The following TUT7 variants were observed in gnomAD, a reference collection of about 807,000 sequenced individuals.
TUT7 encodes the protein terminal uridylyltransferase 7.
TUT7 carries 33 observed loss-of-function variants against 165.9 expected under a neutral mutation model. That is an observed-to-expected ratio of 0.20 (90% CI 0.15 to 0.27). TUT7 has a LOEUF of 0.27. Among genes scored for constraint, TUT7 ranks in the 10% least tolerant of loss-of-function variants. The pLI is 1.00. For missense variants in TUT7, 1,338 were observed against 1,762.3 expected (o/e 0.76, Z 4.31); for synonymous variants, 552 against 608.1 (o/e 0.91, Z 1.36).
chr9:86,303,623 T>C (rs537091684), intron 24 of TUT7, among the ~76,000 whole-genome samples: 1 of 152,182 alleles, frequency 6.6e-6, no homozygotes, highest in Non-Finnish European at 1.5e-5. Flanking sequence ...GAAAAAAAAC[T>C]ATGTGTTTCT....
At chr9:86,318,703 GT>G (rs1454914012) in intron 16 of TUT7, among the ~76,000 whole-genome samples, 1 of 152,192 alleles carries the variant, frequency 6.6e-6, no homozygotes, top group African/African-American at 2.4e-5. Flanking sequence ...GAAGAGGCTG[GT>G]TTGGCTATGT....
rs549245446 is a variant in TUT7, at chr9:86,311,109, G to T, written c.3275-300C>A. 6.6e-6 allele frequency among the ~76,000 whole-genome samples: 1 copy of T among 152,186 alleles called. No homozygotes were observed. Among genetic ancestry groups the T allele is most frequent in the African/African-American group, 2.4e-5 (1 of 41,440 alleles). On this transcript the variant is annotated intron_variant, in intron 17 of 26. Transcript: ENST00000375963. The surrounding 1 kb of genome is among the most constrained non-coding windows in gnomAD (Gnocchi z 4.4). ...ATGTGTGTATATGCATGTGTATGTC[G>T]TTGTCACTAAGACAAATACCAAACA...
rs1392544649 is a variant in TUT7, at chr9:86,311,108, C to T, written c.3275-299G>A. Among the ~76,000 whole-genome samples the T allele has an allele frequency of 6.6e-6, 1 of 152,204 alleles. No individual in the cohort carries two copies. On this transcript the variant is annotated intron_variant, in intron 17 of 26. Coordinates refer to ENST00000375963, the MANE Select transcript of TUT7 (RefSeq NM_024617.4). The surrounding 1 kb of genome is among the most constrained non-coding windows in gnomAD (Gnocchi z 4.4). ...CATGTGTGTATATGCATGTGTATGT[C>T]GTTGTCACTAAGACAAATACCAAAC...
At chr9:86,345,861 A>G (rs1831709703) in intron 3 of TUT7, 76 bp from the exon 4 acceptor site, 1 of 1,067,448 alleles carries the variant, frequency 9.4e-7, no homozygotes, top group Non-Finnish European at 1.4e-6. Context: ...TCAGCCAGGA[A>G]ATGATTTCCC....
intron 2 of TUT7, among the ~76,000 whole-genome samples, chr9:86,349,698 T>C (rs1479391217): frequency 1.3e-5 from 2 of 152,238 alleles, no homozygotes; most frequent in African/African-American, 4.8e-5. Context: ...TTTTAGTTTA[T>C]ACTTTCAGTT....
chr9:86,330,243 G>T (rs1830190565), intron 10 of TUT7, among the ~76,000 whole-genome samples: 1 of 151,888 alleles, frequency 6.6e-6, no homozygotes, highest in African/African-American at 2.4e-5. Context: ...TATTTTTTTA[G>T]TAGAGATGGA....
At chr9:86,301,705 C>G in intron 25 of TUT7, 104 bp from the exon 26 acceptor site, 1 of 1,507,828 alleles carries the variant, frequency 6.6e-7, no homozygotes, top group South Asian at 1.4e-5. Context: ...AAGAGATGAC[C>G]AGGAATAGAA....
At chr9:86,349,913 CAACTTCTTTAGTTGCTTTTAT>C (rs1832121549) in intron 2 of TUT7, among the ~76,000 whole-genome samples, 1 of 152,132 alleles carries the variant, frequency 6.6e-6, no homozygotes, top group Non-Finnish European at 1.5e-5. Context: ...CACTTAAAAG[CAACTTCTTTAGTTGCTTTTAT>C]AAGAATACAC....
intron 3 of TUT7, among the ~76,000 whole-genome samples, 180 bp downstream of exon 3, chr9:86,346,119 T>C (rs1831736485): frequency 1.3e-5 from 2 of 152,194 alleles, no homozygotes; most frequent in Admixed American, 1.3e-4. Context: ...ATTTTAAGTA[T>C]AATAGCAATG....
intron 2 of TUT7, among the ~76,000 whole-genome samples, chr9:86,348,713 T>A (rs1429814115): frequency 6.6e-6 from 1 of 151,920 alleles, no homozygotes; most frequent in Admixed American, 6.6e-5. Flanking sequence ...GATTGCGCCA[T>A]TGCACTCCAG....
At chr9:86,346,972 C>A (rs1240715827) in intron 2 of TUT7, among the ~76,000 whole-genome samples, 1 of 152,062 alleles carries the variant, frequency 6.6e-6, no homozygotes, top group East Asian at 1.9e-4. Flanking sequence ...GCAAAATGTA[C>A]CCCTGGACAA....
intron 18 of TUT7, among the ~76,000 whole-genome samples, chr9:86,310,481 C>T (rs1297463889): frequency 6.6e-6 from 1 of 152,086 alleles, no homozygotes. Flanking sequence ...TCTGCACAAA[C>T]ACCCCTAAAG....
chr9:86,349,226 C>T (rs774714456), intron 2 of TUT7, among the ~76,000 whole-genome samples: 15 of 151,544 alleles, frequency 9.9e-5, no homozygotes, highest in Non-Finnish European at 2.1e-4. Context: ...TTGCAGTGAA[C>T]CGAGATCATG....
intron 26 of TUT7, among the ~76,000 whole-genome samples, chr9:86,296,787 A>C (rs1484897456): frequency 6.6e-6 from 1 of 152,228 alleles, no homozygotes; most frequent in Non-Finnish European, 1.5e-5. Flanking sequence ...CATACTTAAT[A>C]CTATGGAAAG....
At chr9:86,322,840 C>A (rs1829441305) in intron 13 of TUT7, 33 bp downstream of exon 13, 2 of 1,536,430 alleles carry the variant, frequency 1.3e-6, no homozygotes, top group Admixed American at 4.4e-5. Context: ...CTTAAAGTCT[C>A]CTAGTTCTAT....
chr9:86,322,170 C>G (rs1041598820), intron 14 of TUT7, among the ~76,000 whole-genome samples, 155 bp downstream of exon 14: 6 of 152,062 alleles, frequency 3.9e-5, no homozygotes, highest in Non-Finnish European at 7.4e-5. Context: ...CCAAACAGAA[C>G]AGACATGACA....
intron 22 of TUT7, among the ~76,000 whole-genome samples, chr9:86,307,537 A>G (rs901440872): frequency 3.3e-5 from 5 of 152,372 alleles, no homozygotes; most frequent in South Asian, 2.1e-4. Context: ...ATTAAAAGAT[A>G]AACATTTAAA....
At chr9:86,332,326 G>A (rs1587968840) in intron 10 of TUT7, among the ~76,000 whole-genome samples, 1 of 151,788 alleles carries the variant, frequency 6.6e-6, no homozygotes, top group Admixed American at 6.6e-5. Context: ...AAGAAAATAT[G>A]GTACATATAC....
chr9:86,335,089 G>A lies in TUT7; in HGVS notation c.1455+2330C>T, dbSNP rs1201935076. 5.3e-5 allele frequency among the ~76,000 whole-genome samples: 8 copies of A among 152,174 alleles called. No individual in the cohort carries two copies. The East Asian group carries it at 1.5e-3, about 29-fold the overall frequency. On this transcript the variant is annotated intron_variant, in intron 10 of 26. Transcript: ENST00000375963. ...CATAAGTGGAACTTGACTTTCTACT[G>A]AAGGAGAAAAGGACTATAACATTTG...
Sources: allele counts gnomAD v4.1 joint callset (sites outside exome capture counted in the v4.1 genomes callset), GRCh38; gene constraint gnomAD v4.1.1; non-coding constraint Gnocchi (gnomAD v3.1); transcripts MANE v1.5; gene names NCBI Gene and HGNC (gene_info 2026-07-23, HGNC 2026-07-21).